Variants in VWA8 observed in about 807,000 individuals in gnomAD.
VWA8 encodes von Willebrand factor A domain containing 8, also known as von Willebrand factor A domain-containing protein 8.
VWA8 carries 221 observed loss-of-function variants against 241.5 expected under a neutral mutation model. That is an observed-to-expected ratio of 0.91 (90% CI 0.82 to 1.02). The LOEUF is 1.02. Ranked by LOEUF, VWA8 falls within the 50% of genes least tolerant of loss-of-function variation. The probability of loss-of-function intolerance (pLI) is 0.00; values close to 1 mark genes in which losing one functional copy is unlikely to be tolerated. For missense variants in VWA8, 2,322 were observed against 2,328.7 expected (o/e 1.00, Z 0.06); for synonymous variants, 852 against 827.1 (o/e 1.03, Z -0.52).
intron 2 of VWA8, among the ~76,000 whole-genome samples, chr13:41,915,672 G>T (rs373996053): frequency 5.6e-4 from 85 of 152,266 alleles, no homozygotes; most frequent in African/African-American, 2.0e-3. Context: ...AACTTTTAGC[G>T]AGGAAATCAG....
intron 20 of VWA8, among the ~76,000 whole-genome samples, chr13:41,761,890 A>G (rs76150031): frequency 0.019 from 2,952 of 151,874 alleles, 98 homozygotes; most frequent in African/African-American, 0.066. Flanking sequence ...CAAAGTTTTC[A>G]CTTAGAAGTG....
At chr13:41,925,523 T>A (rs974468015) in intron 2 of VWA8, 3 of 153,086 alleles carry the variant, frequency 2.0e-5, no homozygotes, top group African/African-American at 7.2e-5. Flanking sequence ...TTTTTGTATG[T>A]GGCAGAAGTT....
intron 42 of VWA8, among the ~76,000 whole-genome samples, chr13:41,583,251 C>T (rs2044395067): frequency 1.3e-5 from 2 of 152,168 alleles, no homozygotes; most frequent in Admixed American, 1.3e-4. Flanking sequence ...ATACAAAGTC[C>T]CATATGGAGA....
chr13:41,923,850 C>T (rs1192986786), intron 2 of VWA8, among the ~76,000 whole-genome samples: 6 of 151,956 alleles, frequency 3.9e-5, no homozygotes, highest in Non-Finnish European at 8.8e-5. Flanking sequence ...ACTGCTCCAA[C>T]GTGCCCAACC....
At chr13:41,719,335 T>C (rs2045366812) in intron 26 of VWA8, 9 of 1,300,734 alleles carry the variant, frequency 6.9e-6, no homozygotes, top group East Asian at 3.5e-5. Context: ...GGACTGAGAC[T>C]GTTAAAGAAA....
rs1458025455 is a variant in VWA8 at position 41,873,185 on chromosome 13, G to A, written c.1081-4708C>T. Among the ~76,000 whole-genome samples the A allele has an allele frequency of 3.9e-5, 6 of 152,226 alleles. No individual in the cohort carries two copies. In the East Asian group the frequency reaches 9.7e-4, roughly 24 times the overall value. On this transcript the variant is annotated intron_variant, in intron 9 of 44. Transcript: ENST00000379310. ...ATCTCTGGGACACATTCAAAGCAGT[G>A]TGTAGAGGGAAATTTATAGCACTAA...
At chr13:41,832,400 C>T (rs539941061) in intron 13 of VWA8, among the ~76,000 whole-genome samples, 19 of 152,168 alleles carry the variant, frequency 1.2e-4, no homozygotes, top group South Asian at 2.1e-4. Context: ...GGACTATTAC[C>T]GTGTCTGCAG....
At chr13:41,951,409 T>C (rs1878133319) in intron 1 of VWA8, among the ~76,000 whole-genome samples, 1 of 152,146 alleles carries the variant, frequency 6.6e-6, no homozygotes, top group Admixed American at 6.5e-5. Flanking sequence ...GGTGCGACAC[T>C]CCGTCTCAAA....
rs75161841 is a variant in VWA8 at position 41,613,930 on chromosome 13, G to A, written c.4720+1046C>T. Among the ~76,000 whole-genome samples the A allele has an allele frequency of 2.9e-3, 445 of 152,306 alleles. 8 individuals carry two copies. Among genetic ancestry groups the A allele is most frequent in the African/African-American group, 0.01 (430 of 41,578 alleles). On this transcript the variant is annotated intron_variant, in intron 38 of 44. Coordinates refer to ENST00000379310, the MANE Select transcript of VWA8 (RefSeq NM_015058.2). ...AAACTAAAAGCCAGGTGAAACAAAT[G>A]TAGCCTCAATCTGGACAGATACGTG...
intron 12 of VWA8, among the ~76,000 whole-genome samples, chr13:41,836,820 C>T (rs924163488): frequency 4.6e-5 from 7 of 152,134 alleles, no homozygotes; most frequent in African/African-American, 1.4e-4. Context: ...CAATATGCAG[C>T]AGCAGATCAA....
At chr13:41,884,937 G>A (rs1231044983) in intron 8 of VWA8, among the ~76,000 whole-genome samples, 1 of 150,056 alleles carries the variant, frequency 6.7e-6, no homozygotes, top group African/African-American at 2.5e-5. Context: ...ATACATACAA[G>A]TTTAAAAATA....
chr13:41,621,041 G>C (rs1233014685), intron 37 of VWA8, among the ~76,000 whole-genome samples: 2 of 152,124 alleles, frequency 1.3e-5, no homozygotes, highest in Admixed American at 1.3e-4. Flanking sequence ...ATAATAATGA[G>C]ACAACTGACA....
At chr13:41,620,509 T>C (rs1029443310) in intron 37 of VWA8, among the ~76,000 whole-genome samples, 15 of 152,226 alleles carry the variant, frequency 9.9e-5, no homozygotes, top group African/African-American at 3.1e-4. Flanking sequence ...TGCCTTCTGC[T>C]AGCTTTTGAA....
intron 42 of VWA8, among the ~76,000 whole-genome samples, chr13:41,582,208 C>T (rs2044387343): frequency 6.6e-6 from 1 of 152,136 alleles, no homozygotes. Context: ...ATTACCTTTC[C>T]TTCTCAGTAA....
At chr13:41,719,794 T>C (rs191593688) in intron 25 of VWA8, 52 bp from the exon 26 acceptor site, 3 of 1,494,340 alleles carry the variant, frequency 2.0e-6, no homozygotes, top group East Asian at 4.8e-5. Flanking sequence ...TATACAACAT[T>C]ATAAAGATTT....
chr13:41,770,780 T>C (rs141302912), intron 20 of VWA8, among the ~76,000 whole-genome samples: 2 of 151,592 alleles, frequency 1.3e-5, no homozygotes, highest in Admixed American at 1.3e-4. Flanking sequence ...AAGAAATATA[T>C]AATATATTGG....
chr13:41,899,131 C>G (rs1386915615), intron 4 of VWA8, among the ~76,000 whole-genome samples: 1 of 152,230 alleles, frequency 6.6e-6, no homozygotes, highest in East Asian at 1.9e-4. Flanking sequence ...CTGCCAGCAC[C>G]CTGTCACCTC....
intron 10 of VWA8, among the ~76,000 whole-genome samples, chr13:41,866,361 AT>A (rs1566486802): frequency 0.011 from 1,632 of 143,888 alleles, 30 homozygotes; most frequent in African/African-American, 0.039. Flanking sequence ...AAAAAAAAAT[AT>A]ATATATATAT....
chr13:41,826,972 G>A (rs935712958), intron 14 of VWA8, among the ~76,000 whole-genome samples: 6 of 152,106 alleles, frequency 3.9e-5, no homozygotes, highest in African/African-American at 1.4e-4. Context: ...AGACAGTAAG[G>A]GAAGTGTTTG....
Sources: gnomAD v4.1 joint callset for allele counts (sites outside exome capture counted in the v4.1 genomes callset) on GRCh38, gnomAD v4.1.1 for gene constraint, MANE v1.5 for transcripts, NCBI Gene and HGNC (gene_info 2026-07-23, HGNC 2026-07-21) for gene names.